UBAC2: variants seen among roughly 807,000 people sequenced by gnomAD.
UBAC2 encodes UBA domain containing 2, also known as ubiquitin-associated domain-containing protein 2.
In UBAC2, 26 loss-of-function variants were observed where a neutral mutation model predicts 44.0. The observed-to-expected ratio is 0.59, with a 90% CI of 0.43 to 0.82. UBAC2 has a LOEUF of 0.82. UBAC2 is among the 40% of genes least tolerant of loss of function. UBAC2 has a pLI of 0.00. For missense variants in UBAC2, 329 were observed against 419.4 expected, an observed-to-expected ratio of 0.78 and a Z score of 1.88; for synonymous variants, 155 against 154.3, an observed-to-expected ratio of 1.00 and a Z score of -0.04.
At chr13:99,242,839 C>T (rs542587343) in intron 2 of UBAC2, among the ~76,000 whole-genome samples, 6 of 145,928 alleles carry the variant, frequency 4.1e-5, no homozygotes, top group South Asian at 2.2e-4. Flanking sequence ...TCAGACGGGG[C>T]GGCCGGGCAG....
At chr13:99,235,008 C>G (rs1227684633) in intron 1 of UBAC2, among the ~76,000 whole-genome samples, 1 of 152,110 alleles carries the variant, frequency 6.6e-6, no homozygotes, top group Non-Finnish European at 1.5e-5. Flanking sequence ...ATAATTCTGT[C>G]ATACTTAATA....
chr13:99,201,061 C>T, intron 1 of UBAC2, 122 bp downstream of exon 1: 1 of 1,328,978 alleles, frequency 7.5e-7, no homozygotes. Context: ...ACCCTCCAGA[C>T]CCGCGTCCGA....
intron 3 of UBAC2, among the ~76,000 whole-genome samples, chr13:99,244,257 A>G (rs563385760): frequency 6.6e-6 from 1 of 152,312 alleles, no homozygotes; most frequent in Admixed American, 6.5e-5. Flanking sequence ...TTTACTTGTT[A>G]AAAATATATC....
intron 7 of UBAC2, among the ~76,000 whole-genome samples, chr13:99,358,543 A>G (rs1002629480): frequency 6.6e-6 from 1 of 152,240 alleles, no homozygotes; most frequent in African/African-American, 2.4e-5. Context: ...GTTAGCAAGT[A>G]ATAGGCTTGT....
intron 1 of UBAC2, among the ~76,000 whole-genome samples, chr13:99,203,275 G>A (rs536971645): frequency 3.4e-4 from 51 of 152,120 alleles, no homozygotes; most frequent in African/African-American, 1.0e-3. Flanking sequence ...ACCTCAAGTG[G>A]TCCTCCCGCC....
At chr13:99,218,038 G>C (rs1480932059) in intron 1 of UBAC2, among the ~76,000 whole-genome samples, 1 of 152,140 alleles carries the variant, frequency 6.6e-6, no homozygotes, top group Admixed American at 6.5e-5. Flanking sequence ...TAAGCGTCCT[G>C]ATTTACTTTA....
rs1021263411 is a variant in UBAC2 at position 99,206,413 on chromosome 13, C to T, written c.31+5474C>T. 2.6e-5 allele frequency among the ~76,000 whole-genome samples: 4 copies of T among 152,336 alleles called. No homozygotes were observed. In the East Asian group the frequency reaches 7.7e-4, roughly 29 times the overall value. On this transcript the variant is annotated intron_variant, in intron 1 of 8. Transcript: ENST00000403766. ...GAGGAGTTGCGTCTCTTCCCCTAGT[C>T]CAGCGGATGGATGTGCCTTCTTCCA...
At chr13:99,254,891 T>C in intron 4 of UBAC2, 1 of 1,611,342 alleles carries the variant, frequency 6.2e-7, no homozygotes, top group Non-Finnish European at 8.5e-7. Context: ...AACATTTCAC[T>C]GTTTATATTG....
intron 4 of UBAC2, chr13:99,255,334 T>C (rs746564668): frequency 5.0e-6 from 8 of 1,614,016 alleles, no homozygotes; most frequent in East Asian, 2.2e-5. Context: ...AGCTTTTAGA[T>C]AGATGATGTC....
chr13:99,305,564 C>T (rs1011745296), intron 4 of UBAC2, among the ~76,000 whole-genome samples: 1 of 152,056 alleles, frequency 6.6e-6, no homozygotes, highest in Admixed American at 6.6e-5. Flanking sequence ...CAATAGATAT[C>T]TAGTAAATAT....
chr13:99,300,265 T>C (rs1339802392), intron 4 of UBAC2, among the ~76,000 whole-genome samples: 1 of 152,196 alleles, frequency 6.6e-6, no homozygotes, highest in Non-Finnish European at 1.5e-5. Flanking sequence ...AAGAAAGGCA[T>C]TTGCAGAATG....
intron 2 of UBAC2, among the ~76,000 whole-genome samples, chr13:99,239,870 C>T (rs1373508035): frequency 1.3e-5 from 2 of 152,148 alleles, no homozygotes; most frequent in African/African-American, 2.4e-5. Flanking sequence ...TACATGACAT[C>T]CTTGGGGGGT....
In UBAC2 at chr13:99,274,631, T is replaced by C. The variant is rs535018561; in HGVS notation, c.389+30007T>C. 3.9e-5 allele frequency among the ~76,000 whole-genome samples: 6 copies of C among 152,290 alleles called. No homozygotes were observed. The South Asian group carries it at 1.2e-3, about 32-fold the overall frequency. On this transcript the variant is annotated intron_variant, in intron 4 of 8. Transcript: ENST00000403766. ...ATGAGGCACGTGCCTGGCCTCATAA[T>C]ACTGTTAATGTTAATGGACATTGGG...
chr13:99,383,152 A>G (rs1328684828), intron 8 of UBAC2, among the ~76,000 whole-genome samples: 4 of 152,016 alleles, frequency 2.6e-5, no homozygotes, highest in East Asian at 1.9e-4. Context: ...AGTAGTGTGC[A>G]TGTGTGTGTG....
At chr13:99,287,668 A>G in intron 4 of UBAC2, among the ~76,000 whole-genome samples, 1 of 95,036 alleles carries the variant, frequency 1.1e-5, no homozygotes, top group Admixed American at 1.2e-4. Flanking sequence ...TTTTTTTGGT[A>G]GAGACGAGGT....
chr13:99,317,636 A>G (rs967237452), intron 5 of UBAC2, among the ~76,000 whole-genome samples: 11 of 152,186 alleles, frequency 7.2e-5, no homozygotes, highest in Admixed American at 2.6e-4. Context: ...ATATCACATC[A>G]TTGCCAAGCA....
chr13:99,315,770 AC>A (rs1451858625), intron 5 of UBAC2, among the ~76,000 whole-genome samples: 1 of 152,020 alleles, frequency 6.6e-6, no homozygotes, highest in Non-Finnish European at 1.5e-5. Context: ...CTCTATAGCT[AC>A]CACTATTCAT....
At chr13:99,223,542 GTTTTTTT>G (rs145143990) in intron 1 of UBAC2, among the ~76,000 whole-genome samples, 13 of 62,444 alleles carry the variant, frequency 2.1e-4, no homozygotes, top group East Asian at 2.0e-3. Flanking sequence ...CTCTTTTTCT[GTTTTTTT>G]TTTTTTTTTT....
chr13:99,371,041 C>T (rs1428491415), intron 8 of UBAC2, among the ~76,000 whole-genome samples: 5 of 151,942 alleles, frequency 3.3e-5, no homozygotes, highest in Admixed American at 1.3e-4. Flanking sequence ...ATGGGGCAGC[C>T]GTTAAGACGA....
Sources: gnomAD v4.1 joint callset for allele counts (sites outside exome capture counted in the v4.1 genomes callset) on GRCh38, gnomAD v4.1.1 for gene constraint, MANE v1.5 for transcripts, NCBI Gene and HGNC (gene_info 2026-07-23, HGNC 2026-07-21) for gene names.